GALNT8: variants seen among roughly 807,000 people sequenced by gnomAD.
The protein encoded by GALNT8 is probable polypeptide N-acetylgalactosaminyltransferase 8.
In GALNT8, 66 loss-of-function variants were observed where a neutral mutation model predicts 62.7. The ratio of observed to expected loss-of-function variants is 1.05; its 90% CI spans 0.86 to 1.29. The LOEUF (loss-of-function observed/expected upper bound fraction) is 1.29, where lower values mean the gene tolerates loss of function less well. Among genes scored for constraint, GALNT8 ranks in the 50% most tolerant of loss-of-function variants. The pLI is 0.00. For missense variants in GALNT8, 771 were observed against 791.8 expected, an observed-to-expected ratio of 0.97 and a Z score of 0.32; for synonymous variants, 288 against 294.3, an observed-to-expected ratio of 0.98 and a Z score of 0.22.
At chr12:4,731,176 T>A (rs943465121) in intron 2 of GALNT8, among the ~76,000 whole-genome samples, 4 of 152,216 alleles carry the variant, frequency 2.6e-5, no homozygotes, top group Non-Finnish European at 5.9e-5. Context: ...TTAATTTCAT[T>A]CACCAGTATT....
intron 1 of GALNT8, among the ~76,000 whole-genome samples, chr12:4,724,155 A>AAG (rs1946184270): frequency 6.6e-6 from 1 of 150,440 alleles, no homozygotes; most frequent in Admixed American, 6.6e-5. Flanking sequence ...TCTCAAAAAA[A>AAG]AAAAAAAAAA....
At position 4,722,570 on chromosome 12, in the gene GALNT8, A is replaced by C. The variant is rs142819893; in HGVS notation, c.211+1682A>C. 1.6e-3 allele frequency among the ~76,000 whole-genome samples: 240 copies of C among 152,306 alleles called. 1 individual carries two copies. The highest frequency in any genetic ancestry group is 5.6e-3 in the African/African-American group (233 of 41,566). On this transcript the variant is annotated intron_variant, in intron 1 of 10. Coordinates refer to ENST00000252318, the MANE Select transcript of GALNT8 (RefSeq NM_017417.2). ...GGTTTGTTTGTGATTCCGGCTCACC[A>C]TGGAAGTCTAATGCCTCTGAATTTT...
At position 4,726,677 on chromosome 12, in the gene GALNT8, C is replaced by T; in HGVS notation, c.357C>T (p.Phe119=). 1.2e-6 allele frequency: 2 copies of T among 1,614,010 alleles called. No individual in the cohort carries two copies. Among genetic ancestry groups the T allele is most frequent in the Non-Finnish European group, 1.7e-6 (2 of 1,179,978 alleles). The stretch of plus-strand genomic sequence containing the variant: ...AGCACAAAACCCAAATGAAACTCTT[C>T]CCACACTCACAGCTTTTCAGGCAAT... ...TKKHKTQMKL[F]PHSQLFRQWG... is the part of the protein sequence containing the mutation. The change falls in exon 2 of 11, where the codon TTC becomes TTT. Residue 119 remains phenylalanine, a synonymous_variant. Coordinates refer to ENST00000252318, the MANE Select transcript of GALNT8 (RefSeq NM_017417.2). This position sits in a 1 kb window ranked among gnomAD's most constrained non-coding sequence, Gnocchi z 4.1.
At chr12:4,745,673 A>G in intron 5 of GALNT8, 47 bp downstream of exon 5, 6 of 1,371,050 alleles carry the variant, frequency 4.4e-6, no homozygotes, top group Non-Finnish European at 6.2e-6. Context: ...GTGGGAAGGC[A>G]GGAATGAACT....
intron 2 of GALNT8, among the ~76,000 whole-genome samples, chr12:4,728,246 T>C (rs1325506750): frequency 6.6e-6 from 1 of 152,038 alleles, no homozygotes; most frequent in Non-Finnish European, 1.5e-5. Context: ...TGCAGAGTAC[T>C]TTATATATCC....
intron 10 of GALNT8, among the ~76,000 whole-genome samples, chr12:4,769,191 T>C (rs1421935049): frequency 6.6e-6 from 1 of 151,932 alleles, no homozygotes; most frequent in Non-Finnish European, 1.5e-5. Flanking sequence ...TGAGGAGTAG[T>C]GAGGAATAGT....
At chr12:4,744,063 T>G (rs768666801) in intron 3 of GALNT8, among the ~76,000 whole-genome samples, 1 of 152,232 alleles carries the variant, frequency 6.6e-6, no homozygotes, top group South Asian at 2.1e-4. Flanking sequence ...GGTCCTTAAG[T>G]AGGTCAACTG....
chr12:4,761,146 G>A lies in GALNT8; in HGVS notation c.1359+3G>A, dbSNP rs752889603. On this transcript the variant is annotated splice_donor_region_variant and intron_variant, in intron 7 of 10. Transcript: ENST00000252318. The stretch of plus-strand genomic sequence containing the variant: ...TGGCCTGGAACATACCTCTCCAGGT[G>A]AGTCATGGAATTGAACAGCAGCACG... 3.7e-6 allele frequency: 6 copies of A among 1,611,666 alleles called. No individual in the cohort carries two copies. The highest frequency in any genetic ancestry group is 5.1e-6 in the Non-Finnish European group (6 of 1,178,036).
At chr12:4,750,582 A>G (rs959517938) in intron 6 of GALNT8, among the ~76,000 whole-genome samples, 1 of 152,160 alleles carries the variant, frequency 6.6e-6, no homozygotes, top group African/African-American at 2.4e-5. Context: ...TTCATTATCC[A>G]GTCTATCATT....
At chr12:4,748,841 C>T (rs912254946) in intron 6 of GALNT8, among the ~76,000 whole-genome samples, 2 of 152,074 alleles carry the variant, frequency 1.3e-5, no homozygotes, top group Non-Finnish European at 2.9e-5. Context: ...TTCTTCCAAT[C>T]CATGAACATG....
chr12:4,728,145 T>C (rs1445729434), intron 2 of GALNT8, among the ~76,000 whole-genome samples: 1 of 152,198 alleles, frequency 6.6e-6, no homozygotes, highest in East Asian at 1.9e-4. Context: ...TCATGTGCTA[T>C]TGGCCATATG....
chr12:4,771,241 C>T (rs1476849750), intron 10 of GALNT8, among the ~76,000 whole-genome samples: 1 of 152,206 alleles, frequency 6.6e-6, no homozygotes, highest in Non-Finnish European at 1.5e-5. Flanking sequence ...GCCAGGCCTG[C>T]TCAGTTGGCA....
chr12:4,744,881 G>C (rs755264624), intron 4 of GALNT8, among the ~76,000 whole-genome samples, 181 bp downstream of exon 4: 1 of 152,198 alleles, frequency 6.6e-6, no homozygotes, highest in Non-Finnish European at 1.5e-5. Context: ...AAGTAGCATG[G>C]TGGAGAGTAT....
At chr12:4,765,012 G>GC (rs1040282617) in intron 9 of GALNT8, among the ~76,000 whole-genome samples, 21 of 152,164 alleles carry the variant, frequency 1.4e-4, no homozygotes, top group African/African-American at 4.8e-4. Flanking sequence ...AGCTCACTGA[G>GC]CAAGATAGTG....
At chr12:4,733,291 T>C (rs1335803253) in intron 2 of GALNT8, among the ~76,000 whole-genome samples, 1 of 152,212 alleles carries the variant, frequency 6.6e-6, no homozygotes, top group African/African-American at 2.4e-5. Flanking sequence ...ACAGTGCTGG[T>C]CTACACATTC....
intron 7 of GALNT8, among the ~76,000 whole-genome samples, chr12:4,762,207 A>G (rs1182464015): frequency 1.3e-5 from 2 of 152,194 alleles, no homozygotes; most frequent in African/African-American, 4.8e-5. Context: ...ACCCTCCAGG[A>G]CATCCCTAGC....
rs761266248 is a variant in GALNT8, at chr12:4,745,410, C to G, written c.861-19C>G. 2 of 1,556,820 alleles carry G rather than the reference C, an allele frequency of 1.3e-6. No homozygotes were observed. Among genetic ancestry groups the G allele is most frequent in the Non-Finnish European group, 1.8e-6 (2 of 1,127,920 alleles). On this transcript the variant is annotated intron_variant, in intron 4 of 10. Coordinates refer to ENST00000252318, the MANE Select transcript of GALNT8 (RefSeq NM_017417.2). ...TGTCCTCATATCCAAGCTGGGCTTTCTGCACACTCTTGTTCTAGGGCAGAG... is the reference window on the plus strand; with the variant it reads ...TGTCCTCATATCCAAGCTGGGCTTTGTGCACACTCTTGTTCTAGGGCAGAG...
rs187256299 is a variant in GALNT8 at position 4,754,281 on chromosome 12, C to T, written c.1174-6677C>T. ...GGACACAGGCCTGTGTCCTTCCTTT[C>T]GGGGCCGTGTGTTCCTCCAGGTCCC... On this transcript the variant is annotated intron_variant, in intron 6 of 10. Coordinates refer to ENST00000252318, the MANE Select transcript of GALNT8 (RefSeq NM_017417.2). Among the ~76,000 whole-genome samples the T allele has an allele frequency of 2.0e-4, 31 of 152,242 alleles. No homozygotes were observed. The East Asian group carries it at 5.6e-3, about 28-fold the overall frequency.
Position 4,744,230 on chromosome 12 carries a change from C to T in GALNT8, c.677-287C>T, listed in dbSNP as rs144119343. Among the ~76,000 whole-genome samples, 7 of 152,130 alleles carry T rather than the reference C, an allele frequency of 4.6e-5. No homozygotes were observed. In the South Asian group the frequency reaches 8.3e-4, roughly 18 times the overall value. On this transcript the variant is annotated intron_variant, in intron 3 of 10. Transcript: ENST00000252318. ...ACTCATTCTCTCAAGAACTTCTCAACGTGAAAAAGCACTTATAACAGTGCC... is the reference window on the plus strand; with the variant it reads ...ACTCATTCTCTCAAGAACTTCTCAATGTGAAAAAGCACTTATAACAGTGCC...
Sources: gnomAD v4.1 joint callset for allele counts (sites outside exome capture counted in the v4.1 genomes callset) on GRCh38, gnomAD v4.1.1 for gene constraint, Gnocchi (gnomAD v3.1) non-coding constraint, MANE v1.5 for transcripts, NCBI Gene and HGNC (gene_info 2026-07-23, HGNC 2026-07-21) for gene names.